The following GLB1 variants were observed in gnomAD, a reference collection of about 807,000 sequenced individuals.
GLB1 encodes the protein galactosidase beta 1.
In GLB1, 56 loss-of-function variants were observed where a neutral mutation model predicts 74.0. That is an observed-to-expected ratio of 0.76 (90% CI 0.61 to 0.94). The LOEUF (loss-of-function observed/expected upper bound fraction) is 0.94. GLB1 is among the 40% of genes least tolerant of loss of function. The probability of loss-of-function intolerance (pLI) is 0.00; values close to 1 mark genes in which losing one functional copy is unlikely to be tolerated. For missense variants in GLB1, 787 were observed against 845.5 expected (o/e 0.93, Z 0.86); for synonymous variants, 323 against 323.6 (o/e 1.00, Z 0.02).
intron 15 of GLB1, among the ~76,000 whole-genome samples, chr3:33,011,317 T>C (rs1172726835): frequency 6.6e-6 from 1 of 151,966 alleles, no homozygotes; most frequent in Non-Finnish European, 1.5e-5. Flanking sequence ...ACAGCAGTAT[T>C]ATAATAACTA....
chr3:32,980,479 G>C, the GLB1 span, among the ~76,000 whole-genome samples: 1 of 152,180 alleles, frequency 6.6e-6, no homozygotes, highest in Non-Finnish European at 1.5e-5. Context: ...GATATGTAAT[G>C]CTTTCTATAT....
At chr3:33,023,699 G>C (rs575239692) in intron 11 of GLB1, among the ~76,000 whole-genome samples, 1 of 151,748 alleles carries the variant, frequency 6.6e-6, no homozygotes, top group African/African-American at 2.4e-5. Context: ...CTTCTTTTTC[G>C]CTTTTCCTAG....
At chr3:32,987,136 C>T in the GLB1 span, among the ~76,000 whole-genome samples, 1 of 152,182 alleles carries the variant, frequency 6.6e-6, no homozygotes, top group East Asian at 1.9e-4. Flanking sequence ...TAGTCCTCCC[C>T]TCCCACCAGT....
At chr3:33,091,751 C>A in intron 1 of GLB1, 10 of 985,398 alleles carry the variant, frequency 1.0e-5, no homozygotes, top group Non-Finnish European at 1.1e-5. Flanking sequence ...CCAGTCAGAG[C>A]GAGTGTCTTC....
intron 11 of GLB1, among the ~76,000 whole-genome samples, chr3:33,022,661 T>C (rs1343477744): frequency 4.2e-5 from 6 of 143,770 alleles, no homozygotes; most frequent in African/African-American, 1.5e-4. Flanking sequence ...AACCTCCTCC[T>C]CCCAGGTTCA....
At chr3:33,068,182 T>A in intron 4 of GLB1, 48 bp downstream of exon 4, 4 of 1,613,258 alleles carry the variant, frequency 2.5e-6, no homozygotes, top group Non-Finnish European at 3.4e-6. Context: ...CCACCGCACC[T>A]AGGCTGAAGC....
At chr3:32,963,037 T>G in the GLB1 span, among the ~76,000 whole-genome samples, 1 of 152,182 alleles carries the variant, frequency 6.6e-6, no homozygotes, top group Non-Finnish European at 1.5e-5. Flanking sequence ...TAAATTAATA[T>G]GTATGTTAAA....
chr3:33,069,522 A>G (rs565075012), intron 2 of GLB1, among the ~76,000 whole-genome samples: 1 of 152,248 alleles, frequency 6.6e-6, no homozygotes, highest in African/African-American at 2.4e-5. Flanking sequence ...TCCAGGGGAG[A>G]TATTTTGTTT....
intron 5 of GLB1, among the ~76,000 whole-genome samples, chr3:33,063,691 C>A (rs1318789961): frequency 6.6e-6 from 1 of 152,118 alleles, no homozygotes; most frequent in Admixed American, 6.5e-5. Flanking sequence ...GGGTTTGCAC[C>A]TGAGGCCAGA....
At chr3:33,006,533 GAGA>G (rs1212657638) in intron 15 of GLB1, among the ~76,000 whole-genome samples, 2 of 152,086 alleles carry the variant, frequency 1.3e-5, no homozygotes, top group Non-Finnish European at 2.9e-5. Flanking sequence ...GAAAGCACTG[GAGA>G]AGAACGCTTC....
chr3:32,979,169 T>C, the GLB1 span, among the ~76,000 whole-genome samples: 112,133 of 151,604 alleles, frequency 0.74, 43,601 homozygotes, highest in East Asian at 0.93. Flanking sequence ...AGAGATGGGG[T>C]TTCTCCACGT....
At chr3:33,074,700 A>T (rs1013262898) in intron 1 of GLB1, among the ~76,000 whole-genome samples, 1 of 152,174 alleles carries the variant, frequency 6.6e-6, no homozygotes, top group South Asian at 2.1e-4. Context: ...CCAGGGTTTT[A>T]AGAAGCCAAC....
At chr3:32,970,949 C>G in the GLB1 span, among the ~76,000 whole-genome samples, 4 of 152,196 alleles carry the variant, frequency 2.6e-5, no homozygotes, top group Non-Finnish European at 4.4e-5. Flanking sequence ...GGGCCTATTT[C>G]CTTGTACTTT....
intron 2 of GLB1, 47 bp from the exon 3 acceptor site, chr3:33,069,017 G>A (rs1559410172): frequency 2.5e-6 from 4 of 1,614,028 alleles, no homozygotes; most frequent in Non-Finnish European, 2.5e-6. Context: ...GCAGAGTCAA[G>A]AAGAAAGAAG....
chr3:33,055,838 C>G (rs1699192596), intron 6 of GLB1, among the ~76,000 whole-genome samples: 1 of 151,948 alleles, frequency 6.6e-6, no homozygotes, highest in Non-Finnish European at 1.5e-5. Flanking sequence ...CGGATGAGTC[C>G]TTTTATCACC....
At chr3:33,036,081 T>C (rs1024209633) in intron 10 of GLB1, among the ~76,000 whole-genome samples, 24 of 152,224 alleles carry the variant, frequency 1.6e-4, no homozygotes, top group African/African-American at 4.1e-4. Flanking sequence ...CCAAATCAGA[T>C]TGGAAGTAAG....
At chr3:33,021,375 T>C (rs951390377) in intron 12 of GLB1, 191 bp downstream of exon 12, 9 of 650,120 alleles carry the variant, frequency 1.4e-5, no homozygotes, top group Non-Finnish European at 2.4e-5. Flanking sequence ...GCAAAAAATA[T>C]AGGCATGATC....
At chr3:33,013,907 G>A (rs1356767438) in intron 15 of GLB1, 149 bp downstream of exon 15, 5 of 1,446,348 alleles carry the variant, frequency 3.5e-6, no homozygotes, top group Non-Finnish European at 4.7e-6. Context: ...CTGAAGATCT[G>A]CCACAATCCG....
At chr3:33,010,188 CT>C (rs1425589893) in intron 15 of GLB1, among the ~76,000 whole-genome samples, 1 of 152,134 alleles carries the variant, frequency 6.6e-6, no homozygotes, top group Non-Finnish European at 1.5e-5. Context: ...CCAAATGTAC[CT>C]TCTTATCTTT....
Sources: allele counts gnomAD v4.1 joint callset (sites outside exome capture counted in the v4.1 genomes callset), GRCh38; gene constraint gnomAD v4.1.1; transcripts MANE v1.5; gene names NCBI Gene and HGNC (gene_info 2026-07-23, HGNC 2026-07-21).